The following GABRA2 variants were observed in gnomAD, a reference collection of about 807,000 sequenced individuals.
The protein encoded by GABRA2 is gamma-aminobutyric acid type A receptor subunit alpha2.
In GABRA2, 16 loss-of-function variants were observed where a neutral mutation model predicts 48.7. The ratio of observed to expected loss-of-function variants is 0.33; its 90% CI spans 0.22 to 0.50. The LOEUF is 0.50. Ranked by LOEUF, GABRA2 falls within the 20% of genes least tolerant of loss-of-function variation. GABRA2 has a pLI of 0.98. For missense variants in GABRA2, 275 were observed against 535.6 expected (o/e 0.51, Z 4.80); for synonymous variants, 185 against 184.5 (o/e 1.00, Z -0.02).
intron 3 of GABRA2, among the ~76,000 whole-genome samples, chr4:46,354,602 C>T (rs1735671612): frequency 6.6e-6 from 1 of 152,042 alleles, no homozygotes; most frequent in South Asian, 2.1e-4. Context: ...GATCTCTGTT[C>T]TTGACCTCCA....
chr4:46,319,584 T>G (rs1384768396), intron 4 of GABRA2, among the ~76,000 whole-genome samples: 2 of 151,694 alleles, frequency 1.3e-5, no homozygotes, highest in Non-Finnish European at 3.0e-5. Context: ...ACAATGAGAA[T>G]CTTAAGAACA....
At chr4:46,377,886 C>T (rs1289212213) in intron 3 of GABRA2, among the ~76,000 whole-genome samples, 2 of 151,266 alleles carry the variant, frequency 1.3e-5, no homozygotes, top group African/African-American at 2.4e-5. Flanking sequence ...CCCAGCTAGC[C>T]GCCCCGTCCA....
rs115007422 is a variant in GABRA2, at chr4:46,287,806, A to G, written c.856+15654T>C. The stretch of plus-strand genomic sequence containing the variant: ...ATAATAAAAAAAAAGAAGAATCAGT[A>G]TTGGTAAAATAGCTGTATTTGTCTA... On this transcript the variant is annotated intron_variant, in intron 8 of 9. Transcript: ENST00000381620. Among the ~76,000 whole-genome samples, 1,050 of 152,300 alleles carry G rather than the reference A, an allele frequency of 6.9e-3. 9 individuals carry two copies. Among genetic ancestry groups the G allele is most frequent in the Middle Eastern group, 0.027 (8 of 294 alleles).
In GABRA2 at chr4:46,325,877, C is replaced by T. The variant is rs571992030; in HGVS notation, c.255+6738G>A. 1.8e-4 allele frequency among the ~76,000 whole-genome samples: 28 copies of T among 151,960 alleles called. No homozygotes were observed. The East Asian group carries it at 3.1e-3, about 17-fold the overall frequency. On this transcript the variant is annotated intron_variant, in intron 4 of 9. Coordinates refer to ENST00000381620, the MANE Select transcript of GABRA2 (RefSeq NM_000807.4). The stretch of plus-strand genomic sequence containing the variant: ...TTTTGTCGACTTTGTCAAAGATTAT[C>T]TAGCTATAAGTGCGTGGCTTTATTT...
intron 4 of GABRA2, among the ~76,000 whole-genome samples, chr4:46,313,572 T>C (rs986589878): frequency 6.8e-6 from 1 of 146,058 alleles, no homozygotes; most frequent in African/African-American, 2.7e-5. Context: ...TCTGTTTCTC[T>C]CTCTCTCTCT....
At chr4:46,276,397 T>C (rs1261707595) in intron 8 of GABRA2, among the ~76,000 whole-genome samples, 1 of 152,076 alleles carries the variant, frequency 6.6e-6, no homozygotes, top group Non-Finnish European at 1.5e-5. Context: ...TAAGATTAGT[T>C]GTTGTAGTAT....
rs1315132055 is a variant in GABRA2, at chr4:46,389,990, CGGAGGAGGAGGAAGAGGA to C, written c.-284_-267del. ...AGGCGTTCGTAGTGGCGGTGATGGG[CGGAGGAGGAGGAAGAGGA>C]GGAGGAGGAAGAGGAGGAGGGGGAA... On this transcript the variant is annotated 5_prime_UTR_variant, in exon 1 of 10. Transcript: ENST00000381620. 1.0e-6 allele frequency: 1 copy of C among 967,420 alleles called. No individual in the cohort carries two copies. The highest frequency in any genetic ancestry group is 2.0e-5 in the African/African-American group (1 of 50,832). The allele number at this position is 967,420 out of a possible 1,614,324, so 59.9% of individuals were successfully genotyped here.
intron 3 of GABRA2, among the ~76,000 whole-genome samples, chr4:46,361,463 G>A (rs538254419): frequency 2.0e-3 from 310 of 152,280 alleles, no homozygotes; most frequent in Non-Finnish European, 3.2e-3. Context: ...GGGAACCTCC[G>A]CCTGGATTTC....
intron 3 of GABRA2, among the ~76,000 whole-genome samples, chr4:46,377,631 C>T (rs574702726): frequency 1.1e-4 from 17 of 150,756 alleles, no homozygotes; most frequent in African/African-American, 2.9e-4. Context: ...CCCGGCTAGC[C>T]GCCCGGTCCA....
chr4:46,285,452 CTATT>C (rs1219648224), intron 8 of GABRA2, among the ~76,000 whole-genome samples: 2 of 152,004 alleles, frequency 1.3e-5, no homozygotes, highest in Non-Finnish European at 1.5e-5. Context: ...ATCTATTCAT[CTATT>C]TATCTCAACT....
At chr4:46,300,146 T>G (rs971288500) in intron 8 of GABRA2, among the ~76,000 whole-genome samples, 4 of 151,926 alleles carry the variant, frequency 2.6e-5, no homozygotes, top group African/African-American at 9.7e-5. Flanking sequence ...CTTTTTTCCT[T>G]TCTCATTTCT....
At chr4:46,266,125 T>C (rs1156617217) in intron 8 of GABRA2, among the ~76,000 whole-genome samples, 6 of 151,956 alleles carry the variant, frequency 3.9e-5, no homozygotes, top group East Asian at 1.9e-4. Flanking sequence ...TTGAGAAATA[T>C]GTGCATTCTG....
intron 9 of GABRA2, among the ~76,000 whole-genome samples, chr4:46,252,447 C>T (rs111449371): frequency 0.019 from 2,888 of 151,404 alleles, 98 homozygotes; most frequent in African/African-American, 0.067. Flanking sequence ...AACCTCACTA[C>T]GGGATAGGAA....
chr4:46,252,932 C>T (rs925619139), intron 9 of GABRA2, among the ~76,000 whole-genome samples: 54 of 151,426 alleles, frequency 3.6e-4, no homozygotes, highest in African/African-American at 1.2e-3. Context: ...CTTATTCTAA[C>T]CACATTGAGA....
intron 8 of GABRA2, among the ~76,000 whole-genome samples, chr4:46,295,724 G>A (rs114372540): frequency 0.03 from 4,548 of 152,280 alleles, 109 homozygotes; most frequent in Non-Finnish European, 0.051. Flanking sequence ...ACCATTCCTC[G>A]GGGTGATCAG....
rs1379597264 is a variant in GABRA2 at position 46,248,694 on chromosome 4, T to C, written c.*1614A>G. ...CTTATTTCCATAGATACTCCTTTTA[T>C]TGATTTTATGAACATACCTATTTAT... On this transcript the variant is annotated 3_prime_UTR_variant, in exon 10 of 10. Transcript: ENST00000381620. The C allele has an allele frequency of 6.6e-6, 1 of 151,502 alleles. No individual in the cohort carries two copies. The highest frequency in any genetic ancestry group is 2.4e-5 in the African/African-American group (1 of 41,358). The allele number at this position is 151,502 out of a possible 1,614,324, so 9.4% of individuals were successfully genotyped here.
chr4:46,293,588 G>A (rs1263807065), intron 8 of GABRA2, among the ~76,000 whole-genome samples: 1 of 152,134 alleles, frequency 6.6e-6, no homozygotes, highest in Non-Finnish European at 1.5e-5. Flanking sequence ...TCATCCTGTG[G>A]TCATTTCTCT....
intron 8 of GABRA2, among the ~76,000 whole-genome samples, chr4:46,279,494 C>CT (rs1054418150): frequency 6.6e-6 from 1 of 151,884 alleles, no homozygotes; most frequent in Admixed American, 6.6e-5. Context: ...CTTTTCATCT[C>CT]TTTTTTTAAA....
At chr4:46,280,763 G>A (rs1006672855) in intron 8 of GABRA2, among the ~76,000 whole-genome samples, 6 of 152,144 alleles carry the variant, frequency 3.9e-5, no homozygotes, top group Non-Finnish European at 7.3e-5. Context: ...AGTACTTGAG[G>A]TTAAACATGG....
Sources: gnomAD v4.1 joint callset for allele counts (sites outside exome capture counted in the v4.1 genomes callset) on GRCh38, gnomAD v4.1.1 for gene constraint, MANE v1.5 for transcripts, NCBI Gene and HGNC (gene_info 2026-07-23, HGNC 2026-07-21) for gene names.